Variants in ATP9B observed in about 807,000 individuals in gnomAD.
ATP9B encodes ATPase phospholipid transporting 9B, also known as probable phospholipid-transporting ATPase IIB.
ATP9B carries 110 observed loss-of-function variants against 146.1 expected under a neutral mutation model. The ratio of observed to expected loss-of-function variants is 0.75; its 90% CI spans 0.65 to 0.88. ATP9B has a LOEUF of 0.88. Among genes scored for constraint, ATP9B ranks in the 40% least tolerant of loss-of-function variants. The probability of loss-of-function intolerance (pLI) is 0.00; values close to 1 mark genes in which losing one functional copy is unlikely to be tolerated. For missense variants in ATP9B, 1,499 were observed against 1,496.4 expected, an observed-to-expected ratio of 1.00 and a Z score of -0.03; for synonymous variants, 604 against 569.7, an observed-to-expected ratio of 1.06 and a Z score of -0.86.
intron 1 of ATP9B, among the ~76,000 whole-genome samples, 185 bp downstream of exon 1, chr18:79,069,714 G>C (rs1203877827): frequency 6.6e-6 from 1 of 152,222 alleles, no homozygotes; most frequent in African/African-American, 2.4e-5. Context: ...GGTGAGGGCC[G>C]CGGGCAGCTG....
chr18:79,324,885 A>T (rs1257990213), intron 15 of ATP9B, among the ~76,000 whole-genome samples: 1 of 152,246 alleles, frequency 6.6e-6, no homozygotes, highest in Non-Finnish European at 1.5e-5. Flanking sequence ...TCTAGATGAT[A>T]AATTCGGGCT....
intron 7 of ATP9B, among the ~76,000 whole-genome samples, chr18:79,173,205 A>G (rs556169118): frequency 6.6e-6 from 1 of 152,132 alleles, no homozygotes; most frequent in African/African-American, 2.4e-5. Flanking sequence ...TGATATTGAG[A>G]GTTCTTTATA....
intron 1 of ATP9B, chr18:79,085,231 A>G (rs2073699361): frequency 2.0e-5 from 3 of 152,274 alleles, no homozygotes; most frequent in Admixed American, 6.5e-5. Flanking sequence ...ACACTTATCA[A>G]TCACCATGGG....
At chr18:79,294,392 G>T (rs1487021652) in intron 13 of ATP9B, among the ~76,000 whole-genome samples, 1 of 152,224 alleles carries the variant, frequency 6.6e-6, no homozygotes, top group East Asian at 1.9e-4. Context: ...CGCTCCCTGC[G>T]CTGCAGCAGT....
At chr18:79,159,341 AC>A (rs1307500052) in intron 7 of ATP9B, among the ~76,000 whole-genome samples, 1 of 152,054 alleles carries the variant, frequency 6.6e-6, no homozygotes, top group African/African-American at 2.4e-5. Context: ...TTGCCCTGTT[AC>A]CCTGCCTGAT....
chr18:79,176,784 G>C (rs1280327096), intron 7 of ATP9B, 29 bp from the exon 8 acceptor site: 1 of 1,591,018 alleles, frequency 6.3e-7, no homozygotes, highest in African/African-American at 1.3e-5. Flanking sequence ...CAATTCAAGA[G>C]TGGTAAATTT....
chr18:79,272,331 T>C (rs2096264483), intron 12 of ATP9B, among the ~76,000 whole-genome samples: 1 of 152,222 alleles, frequency 6.6e-6, no homozygotes, highest in African/African-American at 2.4e-5. Context: ...GCACAGCATG[T>C]GTAAGCTGTG....
chr18:79,325,370 C>G (rs867814630), intron 15 of ATP9B, among the ~76,000 whole-genome samples: 1 of 152,192 alleles, frequency 6.6e-6, no homozygotes, highest in Non-Finnish European at 1.5e-5. Context: ...TCTCTCAATA[C>G]TGCTTTTCCA....
intron 17 of ATP9B, among the ~76,000 whole-genome samples, chr18:79,331,908 A>G (rs1261516756): frequency 6.6e-6 from 1 of 152,202 alleles, no homozygotes; most frequent in African/African-American, 2.4e-5. Flanking sequence ...TGTAAAGGAA[A>G]CAAGTACAGG....
At chr18:79,256,026 A>G (rs1057409020) in intron 12 of ATP9B, among the ~76,000 whole-genome samples, 3 of 152,074 alleles carry the variant, frequency 2.0e-5, no homozygotes, top group Admixed American at 6.5e-5. Flanking sequence ...GGATTGGTAC[A>G]TGGTCATTTT....
chr18:79,332,289 T>C (rs368371330), intron 17 of ATP9B, among the ~76,000 whole-genome samples: 61 of 151,728 alleles, frequency 4.0e-4, no homozygotes, highest in East Asian at 1.4e-3. Flanking sequence ...ATTAGCCGGG[T>C]GTGGTGGCGG....
intron 26 of ATP9B, chr18:79,363,624 T>A (rs571495322): frequency 6.6e-6 from 1 of 152,416 alleles, no homozygotes; most frequent in Admixed American, 6.5e-5. Flanking sequence ...AAACTGATGT[T>A]CCTGGATTGA....
intron 11 of ATP9B, among the ~76,000 whole-genome samples, chr18:79,234,574 T>TTGCTTGCTGTGGGTG (rs1264505211): frequency 8.2e-5 from 12 of 145,856 alleles, no homozygotes; most frequent in Non-Finnish European, 1.5e-4. Context: ...TGCTGTGGGC[T>TTGCTTGCTGTGGGTG]TGCTTGCTGT....
intron 7 of ATP9B, among the ~76,000 whole-genome samples, chr18:79,162,628 G>T (rs369640765): frequency 3.0e-4 from 46 of 152,250 alleles, no homozygotes; most frequent in African/African-American, 1.1e-3. Context: ...CATCCACATG[G>T]TCTCTGTAGT....
At chr18:79,194,603 A>T (rs2095401253) in intron 9 of ATP9B, 1 of 152,244 alleles carries the variant, frequency 6.6e-6, no homozygotes, top group African/African-American at 2.4e-5. Flanking sequence ...CAGATGTTTT[A>T]AAAAGATGCA....
intron 7 of ATP9B, among the ~76,000 whole-genome samples, chr18:79,174,590 T>G (rs1325339714): frequency 6.6e-6 from 1 of 151,946 alleles, no homozygotes; most frequent in Admixed American, 6.6e-5. Context: ...TTTCTTTGTT[T>G]TTTATTTGTT....
At chr18:79,121,369 G>C (rs2094186365) in intron 4 of ATP9B, among the ~76,000 whole-genome samples, 1 of 152,140 alleles carries the variant, frequency 6.6e-6, no homozygotes, top group Admixed American at 6.5e-5. Flanking sequence ...GGCCCTTCTT[G>C]CTTCCAGTTT....
chr18:79,223,281 A>G (rs772635833), intron 11 of ATP9B, among the ~76,000 whole-genome samples: 16 of 152,228 alleles, frequency 1.1e-4, no homozygotes, highest in African/African-American at 3.6e-4. Flanking sequence ...AAGATAATTT[A>G]TTAATATTTT....
intron 12 of ATP9B, among the ~76,000 whole-genome samples, chr18:79,272,011 G>A (rs1204217466): frequency 6.6e-6 from 1 of 152,276 alleles, no homozygotes; most frequent in African/African-American, 2.4e-5. Flanking sequence ...ATTTTTTTGT[G>A]TGTCTTTTGG....
Sources: allele counts gnomAD v4.1 joint callset (sites outside exome capture counted in the v4.1 genomes callset), GRCh38; gene constraint gnomAD v4.1.1; transcripts MANE v1.5; gene names NCBI Gene and HGNC (gene_info 2026-07-23, HGNC 2026-07-21).